The following SGCZ variants were observed in gnomAD, a reference collection of about 807,000 sequenced individuals.
The protein encoded by SGCZ is sarcoglycan zeta, also known as zeta-sarcoglycan.
In SGCZ, 40 loss-of-function variants were observed where a neutral mutation model predicts 41.3. That is an observed-to-expected ratio of 0.97 (90% confidence interval 0.75 to 1.26). The LOEUF (loss-of-function observed/expected upper bound fraction) is 1.26. SGCZ is among the 50% of genes most tolerant of loss of function. The probability of loss-of-function intolerance (pLI) is 0.00; values close to 1 mark genes in which losing one functional copy is unlikely to be tolerated. For synonymous variants in SGCZ, 206 were observed against 137.5 expected (o/e 1.50, Z -3.49); for missense variants, 552 against 369.8 (o/e 1.49, Z -4.04).
Position 14,647,053 on chromosome 8 carries a change from AC to A in SGCZ, c.40-92128del, listed in dbSNP as rs778041414. 3.3e-5 allele frequency among the ~76,000 whole-genome samples: 5 copies of A among 151,968 alleles called. No individual in the cohort carries two copies. The East Asian group carries it at 9.7e-4, about 30-fold the overall frequency. On this transcript the variant is annotated intron_variant, in intron 1 of 7. Coordinates refer to ENST00000382080, the MANE Select transcript of SGCZ (RefSeq NM_139167.4). ...TCTTGTGGAATATGGAAATGAGGAG[AC>A]AAAAAGAAAGGGGAAGCCCATTTTG... is the stretch of plus-strand genomic sequence containing the variant.
At chr8:14,497,709 C>G (rs536188294) in intron 2 of SGCZ, among the ~76,000 whole-genome samples, 1 of 152,018 alleles carries the variant, frequency 6.6e-6, no homozygotes. Flanking sequence ...CATTCCTGTG[C>G]TAAACCGTTC....
At chr8:14,354,466 C>G (rs1268410426) in intron 2 of SGCZ, among the ~76,000 whole-genome samples, 1 of 151,734 alleles carries the variant, frequency 6.6e-6, no homozygotes, top group Non-Finnish European at 1.5e-5. Context: ...AAAATTAGTA[C>G]TCTTGTAGAT....
At chr8:15,089,701 C>T (rs928998336) in intron 1 of SGCZ, among the ~76,000 whole-genome samples, 2 of 152,148 alleles carry the variant, frequency 1.3e-5, no homozygotes, top group African/African-American at 4.8e-5. Flanking sequence ...AAACTCATCT[C>T]TTAAGTGTAT....
intron 1 of SGCZ, among the ~76,000 whole-genome samples, chr8:14,782,676 G>A (rs1220118525): frequency 7.2e-6 from 1 of 138,314 alleles, no homozygotes; most frequent in African/African-American, 2.5e-5. Flanking sequence ...TTATTGAGAT[G>A]GTTATAGAAA....
intron 6 of SGCZ, 78 bp from the exon 7 acceptor site, chr8:14,102,577 T>C (rs1802067528): frequency 1.6e-6 from 2 of 1,218,020 alleles, no homozygotes; most frequent in Non-Finnish European, 2.1e-6. Context: ...AAATTTTTGA[T>C]AAACTAGAAG....
intron 1 of SGCZ, among the ~76,000 whole-genome samples, chr8:14,872,832 C>T (rs1042167831): frequency 5.3e-5 from 8 of 152,144 alleles, no homozygotes; most frequent in African/African-American, 1.9e-4. Flanking sequence ...CACTTCCCAG[C>T]ACACTGACTT....
chr8:15,215,295 C>A (rs1384502344), intron 1 of SGCZ, among the ~76,000 whole-genome samples: 2 of 152,144 alleles, frequency 1.3e-5, no homozygotes, highest in Non-Finnish European at 2.9e-5. Context: ...TAGTAGGGTG[C>A]CTCTAAAACG....
At chr8:14,389,900 G>T (rs944698436) in intron 2 of SGCZ, among the ~76,000 whole-genome samples, 1 of 151,902 alleles carries the variant, frequency 6.6e-6, no homozygotes, top group Non-Finnish European at 1.5e-5. Flanking sequence ...ACTGACCAAG[G>T]GTATCAGAAC....
intron 1 of SGCZ, among the ~76,000 whole-genome samples, chr8:15,081,235 C>T (rs773749049): frequency 2.6e-5 from 4 of 152,070 alleles, no homozygotes; most frequent in Non-Finnish European, 2.9e-5. Context: ...GAAAATGAAG[C>T]TTTTGTCCAA....
chr8:14,990,642 T>C (rs1229657586), intron 1 of SGCZ, among the ~76,000 whole-genome samples: 5 of 152,134 alleles, frequency 3.3e-5, no homozygotes, highest in African/African-American at 1.2e-4. Flanking sequence ...TGGCTCTCAC[T>C]GATTCTACAT....
chr8:14,360,485 C>T (rs893772344), intron 2 of SGCZ, among the ~76,000 whole-genome samples: 1 of 151,968 alleles, frequency 6.6e-6, no homozygotes, highest in African/African-American at 2.4e-5. Context: ...ATCACCACAC[C>T]CAGCTAATTT....
chr8:14,578,432 G>T (rs1804784431), intron 1 of SGCZ, among the ~76,000 whole-genome samples: 2 of 152,136 alleles, frequency 1.3e-5, no homozygotes, highest in Admixed American at 1.3e-4. Context: ...CCTGGGTTTG[G>T]TTCATGGCTG....
intron 3 of SGCZ, among the ~76,000 whole-genome samples, chr8:14,269,903 AT>A (rs1440765840): frequency 2.0e-5 from 3 of 152,194 alleles, no homozygotes; most frequent in Non-Finnish European, 4.4e-5. Context: ...GTAAATATGT[AT>A]TTATAATTTA....
intron 1 of SGCZ, among the ~76,000 whole-genome samples, chr8:14,840,818 T>C (rs1340389290): frequency 2.0e-5 from 3 of 152,128 alleles, no homozygotes; most frequent in East Asian, 3.8e-4. Flanking sequence ...TTTTAACCTC[T>C]TATGAGACTC....
intron 1 of SGCZ, among the ~76,000 whole-genome samples, chr8:15,052,210 G>C (rs1454334583): frequency 6.6e-6 from 1 of 152,182 alleles, no homozygotes; most frequent in African/African-American, 2.4e-5. Flanking sequence ...AGCTGAGACA[G>C]TTACCCTAAC....
chr8:14,325,937 C>A (rs1041276221), intron 2 of SGCZ, among the ~76,000 whole-genome samples: 33 of 147,808 alleles, frequency 2.2e-4, no homozygotes, highest in Non-Finnish European at 4.2e-4. Flanking sequence ...ACGGTGAAAC[C>A]CTGTCTCTAC....
intron 1 of SGCZ, among the ~76,000 whole-genome samples, chr8:15,044,304 T>A (rs561803671): frequency 6.6e-6 from 1 of 152,266 alleles, no homozygotes; most frequent in African/African-American, 2.4e-5. Context: ...CTTCTTTTTC[T>A]GCCCACTTTA....
At chr8:14,702,315 G>A (rs570203048) in intron 1 of SGCZ, among the ~76,000 whole-genome samples, 22 of 151,482 alleles carry the variant, frequency 1.5e-4, no homozygotes, top group African/African-American at 4.8e-4. Context: ...CTTTTCTTGC[G>A]CCGACATTTA....
chr8:14,937,478 A>T (rs2130814802), intron 1 of SGCZ, among the ~76,000 whole-genome samples: 1 of 152,200 alleles, frequency 6.6e-6, no homozygotes, highest in Admixed American at 6.5e-5. Flanking sequence ...TAAGAAACAA[A>T]AATTGGAAAA....
Sources: allele counts gnomAD v4.1 joint callset (sites outside exome capture counted in the v4.1 genomes callset), GRCh38; gene constraint gnomAD v4.1.1; transcripts MANE v1.5; gene names NCBI Gene and HGNC (gene_info 2026-07-23, HGNC 2026-07-21).